Variants in YKT6 observed in about 807,000 individuals in gnomAD.
YKT6 encodes the protein synaptobrevin homolog YKT6.
In YKT6, 12 loss-of-function variants were observed where a neutral mutation model predicts 29.3. That is an observed-to-expected ratio of 0.41 (90% CI 0.26 to 0.66). The LOEUF (loss-of-function observed/expected upper bound fraction) is 0.66, where lower values mean the gene tolerates loss of function less well. YKT6 is among the 30% of genes least tolerant of loss of function. YKT6 has a pLI of 0.32. For synonymous variants in YKT6, 86 were observed against 94.3 expected (o/e 0.91, Z 0.51); for missense variants, 188 against 243.8 (o/e 0.77, Z 1.52).
intron 1 of YKT6, among the ~76,000 whole-genome samples, chr7:44,203,478 C>T (rs959568025): frequency 6.6e-6 from 1 of 152,154 alleles, no homozygotes; most frequent in African/African-American, 2.4e-5. Flanking sequence ...AAGTAGTTTC[C>T]CAGCTTTTTT....
At chr7:44,212,222 C>T (rs2096347577) in intron 6 of YKT6, 25 bp from the exon 7 acceptor site, 4 of 1,614,046 alleles carry the variant, frequency 2.5e-6, no homozygotes, top group Non-Finnish European at 3.4e-6. Flanking sequence ...TCCTCCTTCT[C>T]AGCTCCTCTT....
intron 5 of YKT6, 82 bp from the exon 6 acceptor site, chr7:44,210,940 CT>C (rs1029425228): frequency 3.4e-6 from 5 of 1,470,104 alleles, no homozygotes; most frequent in Admixed American, 1.7e-5. Context: ...AGGTAAGGCA[CT>C]TTCCCCCATG....
At chr7:44,210,702 ATGTATATATAAATGTGTG>A (rs2096345800) in intron 5 of YKT6, 4 of 403,754 alleles carry the variant, frequency 9.9e-6, no homozygotes, top group Admixed American at 9.1e-5. Flanking sequence ...ACACACACAA[ATGTATATATAAATGTGTG>A]TGTATATATA....
intron 4 of YKT6, 100 bp from the exon 5 acceptor site, chr7:44,208,033 G>A (rs1356667971): frequency 7.6e-7 from 1 of 1,324,102 alleles, no homozygotes; most frequent in Non-Finnish European, 1.1e-6. Flanking sequence ...CCAGGCTGTG[G>A]TTTTTAACCT....
intron 2 of YKT6, among the ~76,000 whole-genome samples, chr7:44,204,872 T>G (rs1157698162): frequency 6.6e-6 from 1 of 152,238 alleles, no homozygotes; most frequent in Non-Finnish European, 1.5e-5. Context: ...CATTTAAGAT[T>G]AGGGTCTGAC....
rs1355477060 is a variant in YKT6 at position 44,201,058 on chromosome 7, C to T, written c.-78C>T. The T allele has an allele frequency of 6.8e-6, 9 of 1,327,922 alleles. No homozygotes were observed. Among genetic ancestry groups the T allele is most frequent in the Non-Finnish European group, 8.1e-6 (8 of 990,308 alleles). The allele number at this position is 1,327,922 out of a possible 1,614,324, so 82.3% of individuals were successfully genotyped here. A position where few individuals can be genotyped will look rare whatever the true frequency, so the allele number is the denominator to read the frequency against. On this transcript the variant is annotated 5_prime_UTR_variant, in exon 1 of 7. Coordinates refer to ENST00000223369, the MANE Select transcript of YKT6 (RefSeq NM_006555.4). ...GAGAGGCCGGTAGGCGGCGGCGGTC[C>T]CGAGGGGCGGCGGCCGCGCTGCTCC...
intron 1 of YKT6, among the ~76,000 whole-genome samples, chr7:44,201,877 G>A (rs2096336116): frequency 6.6e-6 from 1 of 152,236 alleles, no homozygotes; most frequent in Non-Finnish European, 1.5e-5. Flanking sequence ...AGAACTGAAA[G>A]CCAGGTTTAA....
intron 1 of YKT6, 27 bp downstream of exon 1, chr7:44,201,266 G>A: frequency 6.3e-7 from 1 of 1,599,510 alleles, no homozygotes; most frequent in Non-Finnish European, 8.5e-7. Context: ...GGTGGGCCGT[G>A]GCGGTCGGGC....
At chr7:44,210,847 G>A (rs1465569212) in intron 5 of YKT6, 176 bp from the exon 6 acceptor site, 4 of 677,394 alleles carry the variant, frequency 5.9e-6, no homozygotes, top group African/African-American at 1.8e-5. Context: ...ACCAGGTTCT[G>A]TTCCATCCAC....
chr7:44,210,353 C>T (rs577315819), intron 5 of YKT6, among the ~76,000 whole-genome samples: 8 of 152,350 alleles, frequency 5.3e-5, no homozygotes, highest in African/African-American at 1.7e-4. Context: ...TGCTGGCCAT[C>T]CTTGGCATTC....
chr7:44,211,602 C>T (rs1341119450), intron 6 of YKT6: 1 of 1,009,540 alleles, frequency 9.9e-7, no homozygotes, highest in African/African-American at 1.7e-5. Flanking sequence ...CGCTTTCTCT[C>T]AGGTCAGTGC....
At chr7:44,209,254 C>T (rs913996041) in intron 5 of YKT6, among the ~76,000 whole-genome samples, 11 of 152,188 alleles carry the variant, frequency 7.2e-5, no homozygotes, top group African/African-American at 2.7e-4. Context: ...AGTTGTTGGC[C>T]TGCGATGGAG....
At chr7:44,209,225 C>T (rs568443754) in intron 5 of YKT6, among the ~76,000 whole-genome samples, 14 of 152,310 alleles carry the variant, frequency 9.2e-5, no homozygotes, top group African/African-American at 3.1e-4. Flanking sequence ...GTGTGTACAT[C>T]AGCGTCTCCT....
chr7:44,204,316 G>A (rs2096338693), intron 1 of YKT6, among the ~76,000 whole-genome samples: 1 of 152,152 alleles, frequency 6.6e-6, no homozygotes, highest in Non-Finnish European at 1.5e-5. Context: ...TGTATCCTGT[G>A]GAAAAACCCC....
In YKT6 at chr7:44,206,470, T is replaced by C. The variant is rs2096341041; in HGVS notation, c.273T>C (p.Phe91=). 1.9e-6 allele frequency: 3 copies of C among 1,614,034 alleles called. No homozygotes were observed. Among genetic ancestry groups the C allele is most frequent in the East Asian group, 4.5e-5 (2 of 44,892 alleles). Residue 91 remains phenylalanine, a synonymous_variant, in exon 3 of 7, where the codon TTT becomes TTC. Coordinates refer to ENST00000223369, the MANE Select transcript of YKT6 (RefSeq NM_006555.4). ...ADNEYPSRVA[F]TLLEKVLDEF... ...ATGAATACCCATCCCGGGTGGCCTT[T>C]ACCTTGCTGGAGAAGGTGAGTTTTT...
rs12670584 is a variant in YKT6, at chr7:44,212,419, C to T, written c.*137C>T. The T allele has an allele frequency of 6.7e-4, 732 of 1,098,290 alleles. 8 individuals are homozygous for T. In the South Asian group the frequency reaches 9.5e-3, roughly 14 times the overall value. The allele number at this position is 1,098,290 out of a possible 1,614,324, so 68.0% of individuals were successfully genotyped here. Reference sequence around the variant, plus strand: ...GGCCATTTTTATTTTGAAGTTCCTGCGAGAAATGGATGGTGGAAGGGTGGC... The same window carrying T: ...GGCCATTTTTATTTTGAAGTTCCTGTGAGAAATGGATGGTGGAAGGGTGGC... On this transcript the variant is annotated 3_prime_UTR_variant, in exon 7 of 7. Coordinates refer to ENST00000223369, the MANE Select transcript of YKT6 (RefSeq NM_006555.4).
At chr7:44,208,050 GT>G in intron 4 of YKT6, 82 bp from the exon 5 acceptor site, 1 of 1,458,164 alleles carries the variant, frequency 6.9e-7, no homozygotes, top group South Asian at 1.2e-5. Flanking sequence ...ACCTGTGAAA[GT>G]TTGTCCAGCT....
In YKT6 at chr7:44,213,062, G is replaced by A. The variant is rs185204845; in HGVS notation, c.*780G>A. 75 of 152,344 alleles carry A rather than the reference G, an allele frequency of 4.9e-4. No individual in the cohort carries two copies. The highest frequency in any genetic ancestry group is 1.8e-3 in the African/African-American group (75 of 41,554). 9.4% of individuals were successfully genotyped at this position (152,344 alleles called of 1,614,324 possible). A position where few individuals can be genotyped will look rare whatever the true frequency, so the allele number is the denominator to read the frequency against. On this transcript the variant is annotated 3_prime_UTR_variant, in exon 7 of 7. Coordinates refer to ENST00000223369, the MANE Select transcript of YKT6 (RefSeq NM_006555.4). ...CCCAGGAAAGGGGGATGTTTTCCTG[G>A]TGTTTGGATGGTCAGCTGGGAGTGT...
At chr7:44,201,380 G>C (rs563857193) in intron 1 of YKT6, 141 bp downstream of exon 1, 1 of 371,566 alleles carries the variant, frequency 2.7e-6, no homozygotes, top group East Asian at 6.2e-5. Flanking sequence ...CGGGGTGGCC[G>C]AGTGCCCGGG....
Sources: gnomAD v4.1 joint callset for allele counts (sites outside exome capture counted in the v4.1 genomes callset) on GRCh38, gnomAD v4.1.1 for gene constraint, MANE v1.5 for transcripts, NCBI Gene and HGNC (gene_info 2026-07-23, HGNC 2026-07-21) for gene names.